The following HHAT variants were observed in gnomAD, a reference collection of about 807,000 sequenced individuals.
HHAT encodes the protein hedgehog acyltransferase.
Under a neutral mutation model 70.8 loss-of-function variants are expected in HHAT, and 47 were observed. The ratio of observed to expected loss-of-function variants is 0.66; its 90% CI spans 0.53 to 0.85. The LOEUF (loss-of-function observed/expected upper bound fraction) is 0.85. Ranked by LOEUF, HHAT falls within the 40% of genes least tolerant of loss-of-function variation. The pLI, the probability that HHAT is intolerant of heterozygous loss-of-function variation, is 0.00. For missense variants in HHAT, 609 were observed against 604.8 expected (o/e 1.01, Z -0.07); for synonymous variants, 228 against 247.6 (o/e 0.92, Z 0.74).
At chr1:210,490,719 A>G (rs2094537781) in intron 8 of HHAT, among the ~76,000 whole-genome samples, 1 of 152,176 alleles carries the variant, frequency 6.6e-6, no homozygotes, top group African/African-American at 2.4e-5. Context: ...AGAACTTGAA[A>G]TTGAAGCCTG....
At chr1:210,525,495 T>C (rs1354468589) in intron 9 of HHAT, among the ~76,000 whole-genome samples, 1 of 152,198 alleles carries the variant, frequency 6.6e-6, no homozygotes, top group African/African-American at 2.4e-5. Context: ...TTCACTAATA[T>C]TTCATTTTTA....
At chr1:210,607,743 C>T (rs549315288) in intron 10 of HHAT, among the ~76,000 whole-genome samples, 137 of 148,052 alleles carry the variant, frequency 9.3e-4, no homozygotes, top group African/African-American at 3.4e-3. Flanking sequence ...TTTTTTTTTT[C>T]CCCGTTACTT....
intron 6 of HHAT, 61 bp downstream of exon 6, chr1:210,404,740 T>C (rs1235350873): frequency 4.4e-5 from 60 of 1,352,778 alleles, no homozygotes; most frequent in Non-Finnish European, 1.0e-6. Flanking sequence ...GCTGTTGCTC[T>C]GGTCTTCTCT....
chr1:210,554,906 G>C (rs912207786), intron 9 of HHAT, among the ~76,000 whole-genome samples: 3 of 152,118 alleles, frequency 2.0e-5, no homozygotes, highest in African/African-American at 7.2e-5. Flanking sequence ...AGATGATTGG[G>C]CATGAGCCAT....
intron 8 of HHAT, among the ~76,000 whole-genome samples, chr1:210,474,974 C>T (rs890740401): frequency 6.6e-6 from 1 of 152,022 alleles, no homozygotes; most frequent in African/African-American, 2.4e-5. Context: ...CCTCAGTCCC[C>T]CAAGTAGTTG....
intron 8 of HHAT, among the ~76,000 whole-genome samples, chr1:210,494,727 G>C (rs1390171542): frequency 6.6e-6 from 1 of 151,400 alleles, no homozygotes; most frequent in Non-Finnish European, 1.5e-5. Flanking sequence ...CTAATTTTTT[G>C]TTTTTGGTAG....
intron 9 of HHAT, among the ~76,000 whole-genome samples, chr1:210,562,785 C>T (rs1316286813): frequency 6.7e-6 from 1 of 150,294 alleles, no homozygotes; most frequent in Non-Finnish European, 1.5e-5. Context: ...AGGTATATTT[C>T]CAAATGCTAT....
chr1:210,487,456 C>T (rs1307437844), intron 8 of HHAT, among the ~76,000 whole-genome samples: 1 of 152,132 alleles, frequency 6.6e-6, no homozygotes, highest in African/African-American at 2.4e-5. Context: ...TATTAGTATT[C>T]TGAAGGGAAG....
At chr1:210,608,937 A>C (rs984351393) in intron 10 of HHAT, among the ~76,000 whole-genome samples, 11 of 152,078 alleles carry the variant, frequency 7.2e-5, no homozygotes, top group Non-Finnish European at 1.0e-4. Flanking sequence ...GATGCAAGGC[A>C]CCTTCTTCAC....
chr1:210,348,514 C>T (rs1358912377), intron 1 of HHAT, among the ~76,000 whole-genome samples: 1 of 152,148 alleles, frequency 6.6e-6, no homozygotes, highest in African/African-American at 2.4e-5. Context: ...CACAGAGCAC[C>T]TGGTAGTCCC....
intron 9 of HHAT, among the ~76,000 whole-genome samples, chr1:210,581,795 G>T (rs1433513350): frequency 1.3e-5 from 2 of 152,092 alleles, no homozygotes; most frequent in African/African-American, 4.8e-5. Context: ...CATTTCTGTT[G>T]CTTATAATGG....
At chr1:210,403,931 CTTTTTTT>C (rs56979148) in intron 5 of HHAT, among the ~76,000 whole-genome samples, 2 of 141,286 alleles carry the variant, frequency 1.4e-5, no homozygotes, top group African/African-American at 5.2e-5. Flanking sequence ...AGGGCAGGGA[CTTTTTTT>C]TTTTTTTTTT....
intron 5 of HHAT, among the ~76,000 whole-genome samples, chr1:210,402,293 A>G (rs983866722): frequency 2.6e-5 from 4 of 152,164 alleles, no homozygotes; most frequent in African/African-American, 7.2e-5. Flanking sequence ...CAGGGGTCAT[A>G]TGCCCAGGGC....
chr1:210,627,811 C>T (rs1373053881), intron 11 of HHAT, among the ~76,000 whole-genome samples: 3 of 152,094 alleles, frequency 2.0e-5, no homozygotes, highest in Non-Finnish European at 4.4e-5. Flanking sequence ...ATCTAGGGCT[C>T]ACAAACTTTA....
chr1:210,588,451 A>C, intron 10 of HHAT: 1 of 189,346 alleles, frequency 5.3e-6, no homozygotes, highest in Non-Finnish European at 1.1e-5. Context: ...ACATTAAAAC[A>C]AATGCTATTA....
rs1660881042 is a variant in HHAT at position 210,588,107 on chromosome 1, G to A, written c.1245+8G>A. The stretch of plus-strand genomic sequence containing the variant: ...TGCATCCAGGACAGTCTGGTGAGCA[G>A]GATCCTTGCTGCTGTGTTAGGGGAC... On this transcript the variant is annotated splice_region_variant and intron_variant, in intron 10 of 11. Coordinates refer to ENST00000261458, the MANE Select transcript of HHAT (RefSeq NM_018194.6). 6.3e-7 allele frequency: 1 copy of A among 1,590,338 alleles called. No homozygotes were observed. Among genetic ancestry groups the A allele is most frequent in the Non-Finnish European group, 8.6e-7 (1 of 1,169,366 alleles).
At chr1:210,610,785 G>GCTT (rs1666420446) in intron 10 of HHAT, among the ~76,000 whole-genome samples, 1 of 152,098 alleles carries the variant, frequency 6.6e-6, no homozygotes, top group Admixed American at 6.6e-5. Flanking sequence ...TTTCCCCATT[G>GCTT]CTTGTTTTTG....
At chr1:210,568,083 C>G (rs190883553) in intron 9 of HHAT, among the ~76,000 whole-genome samples, 254 of 152,306 alleles carry the variant, frequency 1.7e-3, no homozygotes, top group African/African-American at 5.8e-3. Context: ...ACTTTCAGCC[C>G]CATCCCTCAA....
intron 7 of HHAT, chr1:210,462,488 T>G (rs979998121): frequency 1.3e-5 from 2 of 152,208 alleles, no homozygotes; most frequent in African/African-American, 4.8e-5. Context: ...CCTTCAAGTA[T>G]TTTATGATAG....
Sources: gnomAD v4.1 joint callset for allele counts (sites outside exome capture counted in the v4.1 genomes callset) on GRCh38, gnomAD v4.1.1 for gene constraint, MANE v1.5 for transcripts, NCBI Gene and HGNC (gene_info 2026-07-23, HGNC 2026-07-21) for gene names.